CAST: variants seen among roughly 807,000 people sequenced by gnomAD.
CAST encodes calpastatin.
CAST carries 76 observed loss-of-function variants against 119.6 expected under a neutral mutation model. That is an observed-to-expected ratio of 0.64 (90% CI 0.53 to 0.77). The LOEUF (loss-of-function observed/expected upper bound fraction) is 0.77. CAST is among the 30% of genes least tolerant of loss of function. The pLI is 0.00. For missense variants in CAST, 953 were observed against 946.5 expected, an observed-to-expected ratio of 1.01 and a Z score of -0.09; for synonymous variants, 319 against 331.6, an observed-to-expected ratio of 0.96 and a Z score of 0.41.
At chr5:96,078,180 CTTAT>C in the CAST span, among the ~76,000 whole-genome samples, 2 of 152,144 alleles carry the variant, frequency 1.3e-5, no homozygotes, top group Non-Finnish European at 2.9e-5. Context: ...CCCTCATGTC[CTTAT>C]CTAAACCTAA....
intron 12 of CAST, 129 bp from the exon 13 acceptor site, chr5:96,740,615 CT>C: frequency 1.4e-6 from 1 of 696,698 alleles, no homozygotes; most frequent in Non-Finnish European, 2.6e-6. Flanking sequence ...TTTTGAGGTA[CT>C]GGGGTTAAGA....
At chr5:96,549,772 A>G (rs944311439) in intron 1 of CAST, among the ~76,000 whole-genome samples, 1 of 152,238 alleles carries the variant, frequency 6.6e-6, no homozygotes, top group Non-Finnish European at 1.5e-5. Context: ...TCCCATACCC[A>G]TGGAGCCTTG....
At chr5:96,017,366 A>G in the CAST span, among the ~76,000 whole-genome samples, 3 of 152,094 alleles carry the variant, frequency 2.0e-5, no homozygotes, top group Non-Finnish European at 2.9e-5. Context: ...GTCCTTCTCT[A>G]TTTGTGTTTC....
At chr5:95,995,346 T>C in the CAST span, among the ~76,000 whole-genome samples, 4 of 152,126 alleles carry the variant, frequency 2.6e-5, no homozygotes, top group Admixed American at 6.6e-5. Context: ...AGAAATTCCA[T>C]TGGTAAGAAT....
At chr5:96,257,176 T>C in the CAST span, among the ~76,000 whole-genome samples, 6 of 152,148 alleles carry the variant, frequency 3.9e-5, no homozygotes, top group East Asian at 1.2e-3. Flanking sequence ...AAGAAGAGAG[T>C]TCTGGGGGCA....
the CAST span, among the ~76,000 whole-genome samples, chr5:96,040,995 T>C: frequency 2.0e-5 from 3 of 152,192 alleles, no homozygotes; most frequent in Non-Finnish European, 4.4e-5. Flanking sequence ...TGAATCCTTC[T>C]GGTCCTGGAC....
the CAST span, among the ~76,000 whole-genome samples, chr5:96,507,178 G>T: frequency 6.6e-6 from 1 of 152,112 alleles, no homozygotes; most frequent in African/African-American, 2.4e-5. Context: ...TCCAAGCTGA[G>T]ACCTGGGGAT....
the CAST span, among the ~76,000 whole-genome samples, chr5:95,992,364 G>A: frequency 1.3e-5 from 2 of 151,128 alleles, no homozygotes; most frequent in African/African-American, 2.4e-5. Context: ...TGGATATCAG[G>A]TGTCTCCTGA....
chr5:96,508,099 G>T, the CAST span, among the ~76,000 whole-genome samples: 3 of 151,692 alleles, frequency 2.0e-5, no homozygotes, highest in African/African-American at 7.3e-5. Context: ...AGCCTTAAGG[G>T]ATCCTCCCAC....
At chr5:96,575,819 C>T (rs192527376) in intron 1 of CAST, among the ~76,000 whole-genome samples, 1 of 151,822 alleles carries the variant, frequency 6.6e-6, no homozygotes. Context: ...ATTTTTTAAT[C>T]ATTTGTAGCA....
At chr5:95,991,178 G>T in the CAST span, among the ~76,000 whole-genome samples, 2 of 152,102 alleles carry the variant, frequency 1.3e-5, no homozygotes, top group Non-Finnish European at 2.9e-5. Flanking sequence ...TAAATATATG[G>T]TTCTCCTATG....
At chr5:96,012,040 A>C in the CAST span, among the ~76,000 whole-genome samples, 3 of 152,258 alleles carry the variant, frequency 2.0e-5, no homozygotes, top group Admixed American at 6.5e-5. Context: ...TTATCTTTGA[A>C]GTCTTTTAAA....
the CAST span, among the ~76,000 whole-genome samples, chr5:96,063,413 G>A: frequency 6.6e-6 from 1 of 152,172 alleles, no homozygotes; most frequent in Non-Finnish European, 1.5e-5. Context: ...GATTGGCTGA[G>A]TCTTTTGTCG....
chr5:96,564,521 TC>T (rs925071385), intron 1 of CAST, among the ~76,000 whole-genome samples: 4 of 152,252 alleles, frequency 2.6e-5, no homozygotes, highest in Non-Finnish European at 5.9e-5. Flanking sequence ...CAGACTTTTA[TC>T]CAGATAATAC....
chr5:96,509,050 CATT>C, the CAST span, among the ~76,000 whole-genome samples: 2 of 152,166 alleles, frequency 1.3e-5, no homozygotes, highest in Non-Finnish European at 1.5e-5. Flanking sequence ...TAAGTGATAT[CATT>C]GTCATAGGTG....
chr5:96,126,875 T>C, the CAST span, among the ~76,000 whole-genome samples: 1 of 152,116 alleles, frequency 6.6e-6, no homozygotes, highest in Non-Finnish European at 1.5e-5. Flanking sequence ...AATTAGAAAG[T>C]CATATTTTGA....
At chr5:96,745,879 C>T (rs575195168) in intron 16 of CAST, among the ~76,000 whole-genome samples, 2 of 152,214 alleles carry the variant, frequency 1.3e-5, no homozygotes, top group African/African-American at 2.4e-5. Flanking sequence ...CCTCTCCCTT[C>T]CTTAGACAGC....
At chr5:96,456,476 A>C in the CAST span, among the ~76,000 whole-genome samples, 5 of 152,220 alleles carry the variant, frequency 3.3e-5, no homozygotes, top group African/African-American at 1.2e-4. Context: ...ACCGTTTGGA[A>C]ATCTAGATGG....
the CAST span, among the ~76,000 whole-genome samples, chr5:96,368,152 C>G: frequency 6.6e-6 from 1 of 150,824 alleles, no homozygotes; most frequent in Non-Finnish European, 1.5e-5. Context: ...CTTCCCTTTC[C>G]TTTCTGCTTT....
Sources: allele counts gnomAD v4.1 joint callset (sites outside exome capture counted in the v4.1 genomes callset), GRCh38; gene constraint gnomAD v4.1.1; transcripts MANE v1.5; gene names NCBI Gene and HGNC (gene_info 2026-07-23, HGNC 2026-07-21).